CHMP7: variants seen among roughly 807,000 people sequenced by gnomAD.
The protein encoded by CHMP7 is CHMP family, member 7.
A neutral mutation model predicts 53.7 loss-of-function variants in CHMP7; 15 were observed. The observed-to-expected ratio is 0.28, with a 90% CI of 0.19 to 0.43. CHMP7 has a LOEUF of 0.43. CHMP7 is among the 20% of genes least tolerant of loss of function. The pLI, the probability that CHMP7 is intolerant of heterozygous loss-of-function variation, is 1.00. For missense variants in CHMP7, 527 were observed against 569.4 expected (o/e 0.93, Z 0.76); for synonymous variants, 261 against 228.0 (o/e 1.14, Z -1.30).
At chr8:23,255,215 G>A in intron 3 of CHMP7, 32 bp from the exon 4 acceptor site, 1 of 1,610,914 alleles carries the variant, frequency 6.2e-7, no homozygotes, top group Non-Finnish European at 8.5e-7. Flanking sequence ...GCAGTGGCCA[G>A]GGCCTGTCAG....
In CHMP7 at chr8:23,249,303, C is replaced by A; in HGVS notation, c.393C>A (p.Leu131=). Reference sequence around the variant, plus strand: ...TTGGGGTCTTCCTGCTGAAGCCTCTCAAGTGGACTCTTTCTAACATGCTGG... The same window carrying A: ...TTGGGGTCTTCCTGCTGAAGCCTCTAAAGTGGACTCTTTCTAACATGCTGG... ...WGVGVFLLKP[L]KWTLSNMLGD... The change falls in exon 3 of 11, where the codon CTC becomes CTA. Residue 131 remains leucine (L), a synonymous_variant. Transcript: ENST00000397677. 1 of 1,613,544 alleles carries A rather than the reference C, an allele frequency of 6.2e-7. No individual in the cohort carries two copies. The highest frequency in any genetic ancestry group is 8.5e-7 in the Non-Finnish European group (1 of 1,179,760).
rs35799523 is a variant in CHMP7 at position 23,258,812 on chromosome 8, C to G, written c.1041C>G (p.Leu347=). The G allele has an allele frequency of 1.9e-6, 3 of 1,611,212 alleles. No individual in the cohort carries two copies. The highest frequency in any genetic ancestry group is 2.5e-6 in the Non-Finnish European group (3 of 1,177,696). ...KDVTVEKAES[L]VDQIQELCDT... is the part of the protein sequence containing the mutation. ...TCACAGTGGAGAAGGCAGAGAGCCT[C>G]GTGGATCAGATCCAAGAGGTACAGA... Residue 347 remains leucine (L), a synonymous_variant, in exon 8 of 11, where the codon CTC becomes CTG. Coordinates refer to ENST00000397677, the MANE Select transcript of CHMP7 (RefSeq NM_152272.5).
Position 23,246,886 on chromosome 8 carries a change from G to T in CHMP7, c.191G>T (p.Ser64Ile). The change falls in exon 2 of 11, where the codon AGC (serine) becomes ATC (isoleucine). Residue 64 changes from serine to isoleucine, a missense_variant. By Grantham distance (142) the Ser-to-Ile change is moderately radical. Coordinates refer to ENST00000397677, the MANE Select transcript of CHMP7 (RefSeq NM_152272.5). ...GFWAPLVLSH[S>I]RRQGVVRLRL... Reference sequence around the variant, plus strand: ...TGGGCGCCGTTGGTGCTGAGCCACAGCCGCCGCCAGGGGGTGGTGCGCCTG... The same window carrying T: ...TGGGCGCCGTTGGTGCTGAGCCACATCCGCCGCCAGGGGGTGGTGCGCCTG... The T allele has an allele frequency of 6.3e-7, 1 of 1,586,878 alleles. No homozygotes were observed. The highest frequency in any genetic ancestry group is 8.6e-7 in the Non-Finnish European group (1 of 1,167,528).
chr8:23,246,947 G>C lies in CHMP7; in HGVS notation c.252G>C (p.Lys84Asn). ...LRDLQEAFQR[K>N]GSVPLGLATV... is the part of the protein sequence containing the mutation. The stretch of plus-strand genomic sequence containing the variant: ...ACTTGCAGGAGGCCTTTCAGCGCAA[G>C]GGGAGCGTCCCGCTGGGGCTGGCCA... Residue 84 changes from lysine (K) to asparagine (N), a missense_variant, in exon 2 of 11, where the codon AAG becomes AAC. Lys to Asn is a moderately conservative substitution (Grantham distance 94, BLOSUM62 0). Coordinates refer to ENST00000397677, the MANE Select transcript of CHMP7 (RefSeq NM_152272.5). 1 of 1,553,582 alleles carries C rather than the reference G, an allele frequency of 6.4e-7. No individual in the cohort carries two copies. Among genetic ancestry groups the C allele is most frequent in the Non-Finnish European group, 8.7e-7 (1 of 1,151,662 alleles).
intron 5 of CHMP7, among the ~76,000 whole-genome samples, chr8:23,257,482 ATATT>A (rs1287610324): frequency 7.9e-5 from 12 of 152,174 alleles, no homozygotes; most frequent in Non-Finnish European, 1.6e-4. Context: ...CATTCAACTA[ATATT>A]TATTGAGCCA....
chr8:23,254,655 G>A (rs1711605140), intron 3 of CHMP7, among the ~76,000 whole-genome samples: 1 of 152,052 alleles, frequency 6.6e-6, no homozygotes, highest in South Asian at 2.1e-4. Context: ...GACCTCAGGT[G>A]ATCAGCCTCC....
At chr8:23,258,144 C>T (rs1802212218) in intron 6 of CHMP7, 63 bp downstream of exon 6, 4 of 1,485,006 alleles carry the variant, frequency 2.7e-6, no homozygotes, top group Non-Finnish European at 2.8e-6. Context: ...CAATGCCCAG[C>T]AGTTCAGAGA....
At chr8:23,249,484 A>G in intron 3 of CHMP7, 103 bp downstream of exon 3, 1 of 881,436 alleles carries the variant, frequency 1.1e-6, no homozygotes, top group Non-Finnish European at 1.7e-6. Context: ...CTTTTTTTAC[A>G]TGGCTACTGA....
chr8:23,252,091 C>T (rs919953536), intron 3 of CHMP7, among the ~76,000 whole-genome samples: 2 of 150,542 alleles, frequency 1.3e-5, no homozygotes, highest in African/African-American at 4.9e-5. Flanking sequence ...AATGATACGT[C>T]CTGTTTGTGA....
At position 23,243,725 on chromosome 8, in the gene CHMP7, A is replaced by G. The variant is rs1801598039; in HGVS notation, c.-560A>G. The G allele has an allele frequency of 6.5e-6, 1 of 153,788 alleles. No homozygotes were observed. Among genetic ancestry groups the G allele is most frequent in the Admixed American group, 6.5e-5 (1 of 15,332 alleles). 9.5% of individuals were successfully genotyped at this position (153,788 alleles called of 1,614,324 possible). A position where few individuals can be genotyped will look rare whatever the true frequency, so the allele number is the denominator to read the frequency against. On this transcript the variant is annotated 5_prime_UTR_variant, in exon 1 of 11. Coordinates refer to ENST00000397677, the MANE Select transcript of CHMP7 (RefSeq NM_152272.5). Reference sequence around the variant, plus strand: ...AGTATACTCGTCTTTTCTCTTGGCCAACCTTACGGTAGCTGTACCAGTTTG... The same window carrying G: ...AGTATACTCGTCTTTTCTCTTGGCCGACCTTACGGTAGCTGTACCAGTTTG...
intron 3 of CHMP7, among the ~76,000 whole-genome samples, chr8:23,252,638 A>G (rs1801978491): frequency 6.6e-6 from 1 of 152,136 alleles, no homozygotes; most frequent in Non-Finnish European, 1.5e-5. Flanking sequence ...AAGGTTTCAT[A>G]TTTCTGTAGT....
At chr8:23,244,578 C>T (rs1252757846) in intron 1 of CHMP7, among the ~76,000 whole-genome samples, 2 of 152,056 alleles carry the variant, frequency 1.3e-5, no homozygotes, top group African/African-American at 4.8e-5. Context: ...GGGTTGTATC[C>T]GTCCTCTGAC....
chr8:23,249,226 C>A lies in CHMP7; in HGVS notation c.316C>A (p.Arg106=). 6.3e-7 allele frequency: 1 copy of A among 1,593,598 alleles called. No individual in the cohort carries two copies. Among genetic ancestry groups the A allele is most frequent in the Non-Finnish European group, 8.5e-7 (1 of 1,171,596 alleles). The change falls in exon 3 of 11, where the codon CGG becomes AGG. Residue 106 remains arginine, a synonymous_variant. Transcript: ENST00000397677. ...QDLLRRGELQ[R]ESDFMASVDS... is the part of the protein sequence containing the mutation. ...TCCCTGCAGTCGAGGGGAGCTGCAGCGGGAGTCAGACTTCATGGCCAGTGT... is the reference window on the plus strand; with the variant it reads ...TCCCTGCAGTCGAGGGGAGCTGCAGAGGGAGTCAGACTTCATGGCCAGTGT...
At chr8:23,257,352 T>C (rs1425159344) in intron 5 of CHMP7, among the ~76,000 whole-genome samples, 1 of 152,094 alleles carries the variant, frequency 6.6e-6, no homozygotes, top group Non-Finnish European at 1.5e-5. Context: ...CACCTCAGCC[T>C]CCCAAAGTGC....
At position 23,246,864 on chromosome 8, in the gene CHMP7, G is replaced by C; in HGVS notation, c.169G>C (p.Ala57Pro). 6.3e-7 allele frequency: 1 copy of C among 1,595,082 alleles called. No homozygotes were observed. ...CTGGGACAGCAAGATGGGCTTCTGG[G>C]CGCCGTTGGTGCTGAGCCACAGCCG... Reference protein sequence around the residue: ...TDWDSKMGFWAPLVLSHSRRQ... With the variant: ...TDWDSKMGFWPPLVLSHSRRQ... The change falls in exon 2 of 11, where the codon GCG (alanine) becomes CCG (proline). Residue 57 changes from alanine (A) to proline (P), a missense_variant. Physicochemically the swap from Ala to Pro is conservative, Grantham distance 27 (BLOSUM62 -1). Coordinates refer to ENST00000397677, the MANE Select transcript of CHMP7 (RefSeq NM_152272.5).
chr8:23,256,635 T>C, intron 5 of CHMP7, 42 bp downstream of exon 5: 5 of 1,587,926 alleles, frequency 3.1e-6, no homozygotes, highest in Non-Finnish European at 4.3e-6. Context: ...CCACTGTTGC[T>C]GGCCCCCAGA....
Position 23,255,293 on chromosome 8 carries a change from C to T in CHMP7, c.518C>T (p.Ser173Phe), listed in dbSNP as rs370704599. 3.7e-6 allele frequency: 6 copies of T among 1,614,088 alleles called. No individual in the cohort carries two copies. In the East Asian group the frequency reaches 1.3e-4, roughly 36 times the overall value. Reference protein sequence around the residue: ...VYRLYQNSPLSSHPVVALSEL... With the variant: ...VYRLYQNSPLFSHPVVALSEL... ...CGTCTGTATCAGAACTCGCCCCTCT[C>T]CTCCCACCCCGTGGTGGCCCTGTCA... The change falls in exon 4 of 11, where the codon TCC becomes TTC. Residue 173 changes from serine (S) to phenylalanine (F), a missense_variant. Coordinates refer to ENST00000397677, the MANE Select transcript of CHMP7 (RefSeq NM_152272.5).
intron 4 of CHMP7, 118 bp from the exon 5 acceptor site, chr8:23,256,342 C>A: frequency 1.4e-6 from 1 of 723,746 alleles, no homozygotes; most frequent in Non-Finnish European, 2.5e-6. Context: ...TTCACTGGAA[C>A]ATATCCCCCA....
chr8:23,244,101 T>C, intron 1 of CHMP7, among the ~76,000 whole-genome samples: 1 of 152,142 alleles, frequency 6.6e-6, no homozygotes, highest in East Asian at 1.9e-4. Context: ...GTGGCTTATC[T>C]TCACATTCTC....
Sources: gnomAD v4.1 joint callset for allele counts (sites outside exome capture counted in the v4.1 genomes callset) on GRCh38, gnomAD v4.1.1 for gene constraint, MANE v1.5 for transcripts, NCBI Gene and HGNC (gene_info 2026-07-23, HGNC 2026-07-21) for gene names.